Variants in FAM178B observed in about 807,000 individuals in gnomAD.
The protein encoded by FAM178B is protein FAM178B.
FAM178B carries 82 observed loss-of-function variants against 91.7 expected under a neutral mutation model. The observed-to-expected ratio is 0.89, with a 90% CI of 0.75 to 1.07. The LOEUF is 1.07. Ranked by LOEUF, FAM178B falls within the 50% of genes least tolerant of loss-of-function variation. FAM178B has a pLI of 0.00. For missense variants in FAM178B, 769 were observed against 846.7 expected, an observed-to-expected ratio of 0.91 and a Z score of 1.14; for synonymous variants, 368 against 359.4, an observed-to-expected ratio of 1.02 and a Z score of -0.27.
intron 12 of FAM178B, among the ~76,000 whole-genome samples, chr2:96,909,839 T>C (rs1008016537): frequency 4.6e-5 from 7 of 152,168 alleles, no homozygotes; most frequent in Non-Finnish European, 7.3e-5. Flanking sequence ...ATTGTTCCAT[T>C]AATAGCCTCA....
At chr2:96,930,177 C>A (rs2081514860) in intron 8 of FAM178B, among the ~76,000 whole-genome samples, 1 of 128,726 alleles carries the variant, frequency 7.8e-6, no homozygotes, top group Non-Finnish European at 1.5e-5. Context: ...AGCACTCCAG[C>A]AGCCTGGGTG....
intron 8 of FAM178B, among the ~76,000 whole-genome samples, chr2:96,943,470 T>C (rs2081768441): frequency 6.6e-6 from 1 of 152,256 alleles, no homozygotes; most frequent in Admixed American, 6.5e-5. Flanking sequence ...TTCCATTTTA[T>C]GGATATAGCA....
At chr2:96,934,380 A>T (rs1423616574) in intron 8 of FAM178B, among the ~76,000 whole-genome samples, 1 of 152,118 alleles carries the variant, frequency 6.6e-6, no homozygotes, top group East Asian at 1.9e-4. Flanking sequence ...GGAGGTGAGG[A>T]TGGAGAGGCA....
intron 1 of FAM178B, among the ~76,000 whole-genome samples, chr2:96,981,407 A>G (rs1415861493): frequency 6.6e-6 from 1 of 152,172 alleles, no homozygotes; most frequent in Non-Finnish European, 1.5e-5. Context: ...TTAATGGTAT[A>G]TTTCGATAAA....
chr2:96,940,468 A>C (rs754197580), intron 8 of FAM178B, among the ~76,000 whole-genome samples: 1 of 152,246 alleles, frequency 6.6e-6, no homozygotes, highest in Non-Finnish European at 1.5e-5. Context: ...GGTGAAGAAC[A>C]GAGAGTGTCA....
chr2:96,881,453 G>A (rs2080381995), intron 14 of FAM178B, among the ~76,000 whole-genome samples: 1 of 151,940 alleles, frequency 6.6e-6, no homozygotes, highest in Non-Finnish European at 1.5e-5. Flanking sequence ...TGGGAGGGGC[G>A]AAAGGGGGCC....
rs1559062927 is a variant in FAM178B, at chr2:96,904,539, C to CTTTTTTTTT, written c.1563-1833_1563-1832insAAAAAAAAA. ...GTCACGCACGCGCCACCATGCCTGG[C>CTTTTTTTTT]TATTTTTTTTTTTTTTTTTTTTTTT... On this transcript the variant is annotated intron_variant, in intron 12 of 16. Coordinates refer to ENST00000490605, the MANE Select transcript of FAM178B (RefSeq NM_001122646.3). 5.3e-5 allele frequency among the ~76,000 whole-genome samples: 7 copies of CTTTTTTTTT among 133,096 alleles called. 1 individual carries two copies. Among genetic ancestry groups the CTTTTTTTTT allele is most frequent in the Non-Finnish European group, 3.1e-5 (2 of 64,598 alleles). The allele number at this position is 133,096 out of a possible 152,430, so 87.3% of individuals were successfully genotyped here.
At chr2:96,920,628 C>T (rs906582674) in intron 12 of FAM178B, among the ~76,000 whole-genome samples, 7 of 151,978 alleles carry the variant, frequency 4.6e-5, no homozygotes, top group Non-Finnish European at 7.4e-5. Flanking sequence ...ATTTACAGAG[C>T]GCCGAACAGC....
chr2:96,914,089 T>C (rs1222185969), intron 12 of FAM178B, among the ~76,000 whole-genome samples: 1 of 152,256 alleles, frequency 6.6e-6, no homozygotes, highest in East Asian at 1.9e-4. Flanking sequence ...CGCTCTGTTC[T>C]GGGTGCTGAG....
At chr2:96,882,071 T>C (rs749344578) in intron 14 of FAM178B, among the ~76,000 whole-genome samples, 1 of 152,140 alleles carries the variant, frequency 6.6e-6, no homozygotes, top group Non-Finnish European at 1.5e-5. Context: ...ATTATTGGCA[T>C]AGGAAACACC....
Position 96,876,147 on chromosome 2 carries a change from G to C in FAM178B, c.*129C>G. The C allele has an allele frequency of 1.1e-6, 1 of 941,628 alleles. No homozygotes were observed. The highest frequency in any genetic ancestry group is 1.6e-6 in the Non-Finnish European group (1 of 619,148). 58.3% of individuals were successfully genotyped at this position (941,628 alleles called of 1,614,324 possible). ...AGGGGTCGGGGCGGTGGCAGGGGCA[G>C]GCTCTTGCCTCATCAGGCTGGTCAG... On this transcript the variant is annotated 3_prime_UTR_variant, in exon 17 of 17. Coordinates refer to ENST00000490605, the MANE Select transcript of FAM178B (RefSeq NM_001122646.3).
At chr2:96,926,324 C>T (rs554979771) in intron 9 of FAM178B, among the ~76,000 whole-genome samples, 1 of 152,066 alleles carries the variant, frequency 6.6e-6, no homozygotes, top group Non-Finnish European at 1.5e-5. Flanking sequence ...AAAAGAAAAC[C>T]AAGTGGCCAA....
In FAM178B at chr2:96,932,100, G is replaced by A. The variant is rs546303831; in HGVS notation, c.1079-2780C>T. On this transcript the variant is annotated intron_variant, in intron 8 of 16. Transcript: ENST00000490605. ...ATCAACCTAGGGCGAGGCCCCGGGAGGCCCAGGTGGGTTGGAACCTCCCGC... is the reference window on the plus strand; with the variant it reads ...ATCAACCTAGGGCGAGGCCCCGGGAAGCCCAGGTGGGTTGGAACCTCCCGC... 2.6e-5 allele frequency among the ~76,000 whole-genome samples: 4 copies of A among 152,184 alleles called. No individual in the cohort carries two copies. In the East Asian group the frequency reaches 7.7e-4, roughly 29 times the overall value.
rs183832725 is a variant in FAM178B at position 96,955,239 on chromosome 2, G to A, written c.888-3755C>T. ...AAATTAGCCATGCGAGACCGGGTGC[G>A]GTGGCTCACGCCTGTAATCCCAGCA... is the stretch of plus-strand genomic sequence containing the variant. On this transcript the variant is annotated intron_variant, in intron 6 of 16. Coordinates refer to ENST00000490605, the MANE Select transcript of FAM178B (RefSeq NM_001122646.3). 3.1e-3 allele frequency among the ~76,000 whole-genome samples: 467 copies of A among 151,942 alleles called. 3 individuals are homozygous for A. The highest frequency in any genetic ancestry group is 0.01 in the African/African-American group (418 of 41,422).
chr2:96,937,507 C>A (rs538683281), intron 8 of FAM178B, among the ~76,000 whole-genome samples: 2 of 152,244 alleles, frequency 1.3e-5, no homozygotes, highest in East Asian at 3.9e-4. Flanking sequence ...GCCAACTGCC[C>A]GTGGCTCAGT....
chr2:96,909,142 CAAAAAAAA>C (rs368745154), intron 12 of FAM178B, among the ~76,000 whole-genome samples: 6 of 77,412 alleles, frequency 7.8e-5, no homozygotes, highest in Non-Finnish European at 1.1e-4. Flanking sequence ...GACTCTGTCT[CAAAAAAAA>C]AAAAAAAAAA....
chr2:96,952,902 TAA>T (rs373568480), intron 6 of FAM178B, among the ~76,000 whole-genome samples: 1 of 152,082 alleles, frequency 6.6e-6, no homozygotes, highest in East Asian at 1.9e-4. Context: ...CCACCCTAGA[TAA>T]AAAGTTTTTC....
At chr2:96,967,956 T>G (rs925579887) in intron 4 of FAM178B, among the ~76,000 whole-genome samples, 2 of 127,668 alleles carry the variant, frequency 1.6e-5, no homozygotes, top group African/African-American at 5.4e-5. Context: ...GACATCACTG[T>G]GTTGCCTAGG....
chr2:96,888,056 G>A (rs2080573011), intron 14 of FAM178B, among the ~76,000 whole-genome samples: 1 of 152,256 alleles, frequency 6.6e-6, no homozygotes, highest in Non-Finnish European at 1.5e-5. Context: ...AACAAAGCTG[G>A]CCTGAGCCTG....
Sources: allele counts gnomAD v4.1 joint callset (sites outside exome capture counted in the v4.1 genomes callset), GRCh38; gene constraint gnomAD v4.1.1; transcripts MANE v1.5; gene names NCBI Gene and HGNC (gene_info 2026-07-23, HGNC 2026-07-21).